VTI1A: variants seen among roughly 807,000 people sequenced by gnomAD.
VTI1A encodes vesicle transport through interaction with t-SNAREs homolog 1A.
Under a neutral mutation model 34.9 loss-of-function variants are expected in VTI1A, and 22 were observed. The ratio of observed to expected loss-of-function variants is 0.63; its 90% CI spans 0.45 to 0.90. VTI1A has a LOEUF of 0.90. Ranked by LOEUF, VTI1A falls within the 40% of genes least tolerant of loss-of-function variation. The pLI is 0.00. For synonymous variants in VTI1A, 87 were observed against 97.3 expected (o/e 0.89, Z 0.62); for missense variants, 268 against 275.6 (o/e 0.97, Z 0.20).
rs918470633 is a variant in VTI1A at position 112,703,566 on chromosome 10, C to CA, written c.560+34579dup. 9.5e-3 allele frequency among the ~76,000 whole-genome samples: 1,361 copies of CA among 143,598 alleles called. 15 individuals carry two copies. Among genetic ancestry groups the CA allele is most frequent in the African/African-American group, 0.03 (1,164 of 39,188 alleles). 94.2% of individuals were successfully genotyped at this position (143,598 alleles called of 152,430 possible). A position where few individuals can be genotyped will look rare whatever the true frequency, so the allele number is the denominator to read the frequency against. ...GGGCAACAAGAGCAAAACTCTGTCT[C>CA]AAAAAAAAAAATTGCTAAAATTTGG... is the stretch of plus-strand genomic sequence containing the variant. On this transcript the variant is annotated intron_variant, in intron 7 of 7. Transcript: ENST00000393077.
chr10:112,849,264 G>T, the VTI1A span, among the ~76,000 whole-genome samples: 1 of 152,270 alleles, frequency 6.6e-6, no homozygotes, highest in East Asian at 1.9e-4. Context: ...AGTGGTGGCA[G>T]TGCCAGCTCA....
chr10:112,614,295 C>T (rs565709366), intron 5 of VTI1A, among the ~76,000 whole-genome samples: 6 of 152,144 alleles, frequency 3.9e-5, no homozygotes, highest in African/African-American at 4.8e-5. Flanking sequence ...TTCTTCACAA[C>T]GTGTTGTTTA....
intron 4 of VTI1A, among the ~76,000 whole-genome samples, chr10:112,534,799 T>G (rs1431331502): frequency 1.3e-5 from 2 of 152,300 alleles, no homozygotes; most frequent in Admixed American, 1.3e-4. Context: ...TAAATATTAT[T>G]TTTCTGCAAG....
intron 5 of VTI1A, among the ~76,000 whole-genome samples, chr10:112,563,027 C>T (rs190833356): frequency 2.0e-5 from 3 of 152,154 alleles, no homozygotes; most frequent in South Asian, 2.1e-4. Context: ...ATTGCACCCG[C>T]GTAGAGTTGC....
At chr10:112,480,645 G>T (rs959036570) in intron 3 of VTI1A, among the ~76,000 whole-genome samples, 3 of 152,292 alleles carry the variant, frequency 2.0e-5, no homozygotes, top group African/African-American at 7.2e-5. Context: ...AGGAATTTGA[G>T]AGAAGCAGGG....
At chr10:112,653,781 C>T (rs1032530180) in intron 5 of VTI1A, among the ~76,000 whole-genome samples, 1 of 152,172 alleles carries the variant, frequency 6.6e-6, no homozygotes, top group Non-Finnish European at 1.5e-5. Context: ...TGGATATATA[C>T]TGAATGTATG....
chr10:112,562,295 T>A (rs1228516248), intron 5 of VTI1A, among the ~76,000 whole-genome samples: 2 of 152,138 alleles, frequency 1.3e-5, no homozygotes, highest in East Asian at 3.8e-4. Flanking sequence ...AGCCTTAATG[T>A]TTGTTCGAGA....
chr10:112,628,530 T>C (rs916346747), intron 5 of VTI1A, among the ~76,000 whole-genome samples: 15 of 152,164 alleles, frequency 9.9e-5, no homozygotes, highest in African/African-American at 3.6e-4. Context: ...CTAAATCAAG[T>C]TTTTATCATA....
intron 7 of VTI1A, among the ~76,000 whole-genome samples, chr10:112,802,942 A>G (rs1852926870): frequency 6.6e-6 from 1 of 152,194 alleles, no homozygotes; most frequent in South Asian, 2.1e-4. Context: ...GCAGCCTCGA[A>G]ATTGAGTAAT....
At chr10:112,636,245 A>G (rs989511061) in intron 5 of VTI1A, among the ~76,000 whole-genome samples, 13 of 152,256 alleles carry the variant, frequency 8.5e-5, no homozygotes, top group African/African-American at 3.1e-4. Flanking sequence ...GGCACTTTGT[A>G]GACCAATAAT....
chr10:112,474,346 C>A (rs1230894382), intron 3 of VTI1A, among the ~76,000 whole-genome samples: 1 of 152,080 alleles, frequency 6.6e-6, no homozygotes, highest in African/African-American at 2.4e-5. Flanking sequence ...AGCCACCACG[C>A]CCGGCAACTA....
At chr10:112,520,139 GTTATT>G (rs1003449852) in intron 3 of VTI1A, among the ~76,000 whole-genome samples, 8 of 151,980 alleles carry the variant, frequency 5.3e-5, no homozygotes, top group Non-Finnish European at 1.0e-4. Context: ...AGTCTATGGA[GTTATT>G]TTATTTTACG....
At chr10:112,627,334 T>TA (rs1228257378) in intron 5 of VTI1A, among the ~76,000 whole-genome samples, 1 of 152,176 alleles carries the variant, frequency 6.6e-6, no homozygotes, top group Non-Finnish European at 1.5e-5. Flanking sequence ...TAGAGATACC[T>TA]AAATGTTATC....
At chr10:112,815,139 GCACACACACACACACACA>G (rs71489986) in intron 7 of VTI1A, 133 bp from the exon 8 acceptor site, 9 of 179,038 alleles carry the variant, frequency 5.0e-5, no homozygotes, top group African/African-American at 2.0e-4. Context: ...TTTCGCGCGC[GCACACACACACACACACA>G]CACACACACA....
At chr10:112,470,543 T>C (rs1848041134) in intron 3 of VTI1A, among the ~76,000 whole-genome samples, 1 of 152,182 alleles carries the variant, frequency 6.6e-6, no homozygotes, top group Admixed American at 6.5e-5. Flanking sequence ...AGCAGCCCCC[T>C]GGAAGAATGG....
chr10:112,831,177 G>A, the VTI1A span: 1 of 152,060 alleles, frequency 6.6e-6, no homozygotes, highest in Admixed American at 6.6e-5. Context: ...ATTGTTGAAT[G>A]AATGAATGAA....
chr10:112,738,194 GC>G (rs1850566356), intron 7 of VTI1A, among the ~76,000 whole-genome samples: 1 of 152,132 alleles, frequency 6.6e-6, no homozygotes, highest in Non-Finnish European at 1.5e-5. Flanking sequence ...ATGTAAAGTG[GC>G]ACCATCCCTG....
chr10:112,566,729 T>C (rs1177694588), intron 5 of VTI1A, among the ~76,000 whole-genome samples: 1 of 152,176 alleles, frequency 6.6e-6, no homozygotes, highest in Non-Finnish European at 1.5e-5. Flanking sequence ...CGAATGGGAC[T>C]CTGCTTGGAT....
At chr10:112,815,040 G>A (rs961951831) in intron 7 of VTI1A, among the ~76,000 whole-genome samples, 8 of 151,876 alleles carry the variant, frequency 5.3e-5, no homozygotes, top group Non-Finnish European at 1.0e-4. Flanking sequence ...TTTGCAGTAA[G>A]CATTTCTCGG....
Sources: allele counts gnomAD v4.1 joint callset (sites outside exome capture counted in the v4.1 genomes callset), GRCh38; gene constraint gnomAD v4.1.1; transcripts MANE v1.5; gene names NCBI Gene and HGNC (gene_info 2026-07-23, HGNC 2026-07-21).